The following TANC1 variants were observed in gnomAD, a reference collection of about 807,000 sequenced individuals.
TANC1 encodes tetratricopeptide repeat, ankyrin repeat and coiled-coil containing 1.
Under a neutral mutation model 149.7 loss-of-function variants are expected in TANC1, and 77 were observed. The ratio of observed to expected loss-of-function variants is 0.51; its 90% CI spans 0.43 to 0.62. The LOEUF is 0.62. Ranked by LOEUF, TANC1 falls within the 20% of genes least tolerant of loss-of-function variation. The pLI is 0.00. For synonymous variants in TANC1, 854 were observed against 925.0 expected, an observed-to-expected ratio of 0.92 and a Z score of 1.39; for missense variants, 1,985 against 2,321.8, an observed-to-expected ratio of 0.85 and a Z score of 2.98.
intron 2 of TANC1, among the ~76,000 whole-genome samples, chr2:159,023,581 A>G (rs1045229547): frequency 4.0e-5 from 6 of 151,814 alleles, no homozygotes; most frequent in African/African-American, 1.4e-4. Flanking sequence ...AGCTCAAGCA[A>G]TCCTCCCACC....
In TANC1 at chr2:159,231,216, T is replaced by A. The variant is rs894444701; in HGVS notation, c.*204T>A. The A allele has an allele frequency of 6.0e-6, 3 of 499,284 alleles. No individual in the cohort carries two copies. Among genetic ancestry groups the A allele is most frequent in the African/African-American group, 1.9e-5 (1 of 51,992 alleles). The allele number at this position is 499,284 out of a possible 1,614,324, so 30.9% of individuals were successfully genotyped here. ...CATAAATAAGAATGCTAAACAGAAT[T>A]GAAAATTATATCAACTTAAAATTTT... is the stretch of plus-strand genomic sequence containing the variant. On this transcript the variant is annotated 3_prime_UTR_variant, in exon 27 of 27. Coordinates refer to ENST00000263635, the MANE Select transcript of TANC1 (RefSeq NM_033394.3).
At chr2:159,126,358 C>A (rs79322663) in intron 4 of TANC1, among the ~76,000 whole-genome samples, 1,905 of 152,264 alleles carry the variant, frequency 0.013, 32 homozygotes, top group African/African-American at 0.044. Flanking sequence ...TAACCTTGAG[C>A]CTTACATTTC....
intron 2 of TANC1, among the ~76,000 whole-genome samples, chr2:159,042,756 A>G (rs1457099127): frequency 6.6e-6 from 1 of 151,930 alleles, no homozygotes; most frequent in Non-Finnish European, 1.5e-5. Context: ...GGTTGAGGGA[A>G]GAGAAAGAGC....
At chr2:159,065,202 A>G (rs766261234) in intron 2 of TANC1, among the ~76,000 whole-genome samples, 6 of 152,156 alleles carry the variant, frequency 3.9e-5, no homozygotes, top group Non-Finnish European at 7.3e-5. Context: ...AGCTCAGTAC[A>G]ACCCTGCTTA....
At chr2:159,155,452 C>T (rs911293062) in intron 7 of TANC1, among the ~76,000 whole-genome samples, 4 of 152,140 alleles carry the variant, frequency 2.6e-5, no homozygotes, top group Non-Finnish European at 5.9e-5. Context: ...TGTCCTGAAT[C>T]GGCCTCCTTT....
rs1220261150 is a variant in TANC1 at position 159,231,078 on chromosome 2, GT to G, written c.*73del. 4 of 1,291,374 alleles carry G rather than the reference GT, an allele frequency of 3.1e-6. No homozygotes were observed. The highest frequency in any genetic ancestry group is 4.2e-6 in the Non-Finnish European group (4 of 943,734). 80.0% of individuals were successfully genotyped at this position (1,291,374 alleles called of 1,614,324 possible). On this transcript the variant is annotated 3_prime_UTR_variant, in exon 27 of 27. Coordinates refer to ENST00000263635, the MANE Select transcript of TANC1 (RefSeq NM_033394.3). ...TTGACTCCTGGTGGTAAATTAAATA[GT>G]TTTTTTCATCAGAAAAATTATTTTT...
At chr2:159,070,018 A>C (rs527480217) in intron 3 of TANC1, among the ~76,000 whole-genome samples, 9 of 152,096 alleles carry the variant, frequency 5.9e-5, no homozygotes, top group African/African-American at 2.2e-4. Context: ...CTGGGCCTAC[A>C]CAATGCACCC....
At chr2:159,192,341 G>A (rs2057509819) in intron 16 of TANC1, among the ~76,000 whole-genome samples, 1 of 152,022 alleles carries the variant, frequency 6.6e-6, no homozygotes, top group African/African-American at 2.4e-5. Context: ...TAGAGACGGG[G>A]TCTTGCCATG....
chr2:159,198,780 T>C (rs878969390), intron 18 of TANC1, among the ~76,000 whole-genome samples, 195 bp from the exon 19 acceptor site: 2 of 152,250 alleles, frequency 1.3e-5, no homozygotes, highest in South Asian at 4.1e-4. Flanking sequence ...CTGAGATTTT[T>C]TTTTAATTCT....
chr2:159,218,160 C>T (rs552033294), intron 20 of TANC1, among the ~76,000 whole-genome samples: 6 of 152,258 alleles, frequency 3.9e-5, no homozygotes, highest in East Asian at 3.9e-4. Flanking sequence ...TCCTTCATTT[C>T]GTAAACAGTG....
chr2:159,136,234 G>A lies in TANC1; in HGVS notation c.300G>A (p.Val100=), dbSNP rs755201819. The change falls in exon 5 of 27, where the codon GTG becomes GTA. Residue 100 remains valine, a synonymous_variant. Transcript: ENST00000263635. ...RKPKYVESPR[V]PGDAVIMPFR... is the part of the protein sequence containing the mutation. ...CCAAGTATGTGGAAAGCCCCAGAGT[G>A]CCTGGAGATGCAGTTATAATGCCAT... 6.2e-7 allele frequency: 1 copy of A among 1,613,450 alleles called. No individual in the cohort carries two copies. Among genetic ancestry groups the A allele is most frequent in the Non-Finnish European group, 8.5e-7 (1 of 1,179,400 alleles).
intron 17 of TANC1, among the ~76,000 whole-genome samples, chr2:159,195,151 C>G (rs2057754654): frequency 6.6e-6 from 1 of 152,238 alleles, no homozygotes; most frequent in African/African-American, 2.4e-5. Flanking sequence ...TTGACAGTCT[C>G]ACTCTGTCAC....
intron 4 of TANC1, among the ~76,000 whole-genome samples, chr2:159,121,133 C>G (rs1018487855): frequency 1.3e-5 from 2 of 152,200 alleles, no homozygotes; most frequent in African/African-American, 2.4e-5. Context: ...AGCATGTCCA[C>G]ATGTCCTGCC....
chr2:159,189,761 C>T (rs1274399163), intron 16 of TANC1, among the ~76,000 whole-genome samples: 3 of 152,134 alleles, frequency 2.0e-5, no homozygotes, highest in Admixed American at 1.3e-4. Flanking sequence ...CCCTGGCTGC[C>T]AGCTAAAATC....
chr2:159,191,677 G>A (rs2057453875), intron 16 of TANC1, among the ~76,000 whole-genome samples: 1 of 152,184 alleles, frequency 6.6e-6, no homozygotes, highest in South Asian at 2.1e-4. Context: ...CTATGCCATT[G>A]TGAGTTATGG....
At chr2:159,110,220 G>A (rs1341320276) in intron 4 of TANC1, among the ~76,000 whole-genome samples, 3 of 152,232 alleles carry the variant, frequency 2.0e-5, no homozygotes, top group South Asian at 2.1e-4. Flanking sequence ...CCCCTGAAAT[G>A]AGTGACACAA....
At chr2:159,134,141 G>A (rs2050403654) in intron 4 of TANC1, among the ~76,000 whole-genome samples, 1 of 152,190 alleles carries the variant, frequency 6.6e-6, no homozygotes, top group Non-Finnish European at 1.5e-5. Context: ...GGGCTAAGAA[G>A]AGGGGATAGT....
At chr2:159,043,028 G>C (rs1441133817) in intron 2 of TANC1, among the ~76,000 whole-genome samples, 1 of 152,188 alleles carries the variant, frequency 6.6e-6, no homozygotes, top group Non-Finnish European at 1.5e-5. Flanking sequence ...CCTTGCTTAA[G>C]AGCAGGTGCT....
chr2:159,138,140 G>A (rs903108705), intron 5 of TANC1, among the ~76,000 whole-genome samples: 4 of 147,964 alleles, frequency 2.7e-5, no homozygotes, highest in African/African-American at 9.9e-5. Context: ...TGAGACCTGA[G>A]CTTTCTGATT....
Sources: allele counts gnomAD v4.1 joint callset (sites outside exome capture counted in the v4.1 genomes callset), GRCh38; gene constraint gnomAD v4.1.1; transcripts MANE v1.5; gene names NCBI Gene and HGNC (gene_info 2026-07-23, HGNC 2026-07-21).